Variants in STX5 observed in about 807,000 individuals in gnomAD.
STX5 encodes the protein syntaxin 5, also known as syntaxin-5.
A neutral mutation model predicts 42.9 loss-of-function variants in STX5; 15 were observed. The ratio of observed to expected loss-of-function variants is 0.35; its 90% CI spans 0.23 to 0.54. STX5 has a LOEUF of 0.54. Ranked by LOEUF, STX5 falls within the 20% of genes least tolerant of loss-of-function variation. STX5 has a pLI of 0.91. For missense variants in STX5, 430 were observed against 455.0 expected (o/e 0.95, Z 0.50); for synonymous variants, 184 against 173.2 (o/e 1.06, Z -0.49).
chr11:62,807,860 T>C, intron 10 of STX5: 1 of 695,108 alleles, frequency 1.4e-6, no homozygotes, highest in Admixed American at 3.2e-5. Flanking sequence ...TCAAGCTTCA[T>C]TTTCCTCACC....
At position 62,827,147 on chromosome 11, in the gene STX5, T is replaced by C. The variant is rs771950678; in HGVS notation, c.423+8A>G. On this transcript the variant is annotated splice_region_variant and intron_variant, in intron 5 of 10. Coordinates refer to ENST00000294179, the MANE Select transcript of STX5 (RefSeq NM_003164.5). ...AATGCTGGGCTCTCCTGATGGCTAG[T>C]AGCTCACCTGTTTGATGATATATGT... 2.5e-6 allele frequency: 4 copies of C among 1,613,256 alleles called. No individual in the cohort carries two copies. The South Asian group carries it at 3.3e-5, about 13-fold the overall frequency.
intron 10 of STX5, among the ~76,000 whole-genome samples, chr11:62,815,794 C>T (rs1433554731): frequency 1.3e-5 from 2 of 152,082 alleles, no homozygotes; most frequent in Non-Finnish European, 2.9e-5. Flanking sequence ...GCTTTGGCCT[C>T]CCGAAGTGCT....
intron 10 of STX5, among the ~76,000 whole-genome samples, chr11:62,818,689 CAAAA>C (rs772514194): frequency 9.3e-6 from 1 of 107,952 alleles, no homozygotes. Flanking sequence ...CCGTCTCTAC[CAAAA>C]AAAAAAAAAA....
Position 62,825,460 on chromosome 11 carries a change from A to C in STX5, c.503T>G (p.Leu168Arg). The C allele has an allele frequency of 6.2e-7, 1 of 1,613,570 alleles. No individual in the cohort carries two copies. ...CACAATGGTGTTGGAGTGGGTCTGC[A>C]GGTGCCGGCCACTCTGGCTGCCCTT... ...RAKGSQSGRHLQTHSNTIVVS... is the reference protein window; with the variant it reads ...RAKGSQSGRHRQTHSNTIVVS... Residue 168 changes from leucine to arginine, a missense_variant, in exon 6 of 11, where the codon CTG becomes CGG. Leu to Arg is a moderately radical substitution (Grantham distance 102). Transcript: ENST00000294179.
chr11:62,831,995 C>G lies in STX5; in HGVS notation c.-61G>C, dbSNP rs1374501052. ...GCCGCCGCCGCCACTTCCAATCTCA[C>G]CGGCCGTCACTGCCTCCTCCCCGAG... is the stretch of plus-strand genomic sequence containing the variant. On this transcript the variant is annotated 5_prime_UTR_variant, in exon 1 of 11. Coordinates refer to ENST00000294179, the MANE Select transcript of STX5 (RefSeq NM_003164.5). 1 of 467,040 alleles carries G rather than the reference C, an allele frequency of 2.1e-6. No homozygotes were observed. The highest frequency in any genetic ancestry group is 4.3e-6 in the Non-Finnish European group (1 of 234,646). The allele number at this position is 467,040 out of a possible 1,614,324, so 28.9% of individuals were successfully genotyped here.
intron 2 of STX5, among the ~76,000 whole-genome samples, chr11:62,829,522 G>C (rs1381524140): frequency 6.6e-6 from 1 of 152,092 alleles, no homozygotes; most frequent in African/African-American, 2.4e-5. Flanking sequence ...CCAGCACTTT[G>C]AGAAGATAAA....
At chr11:62,826,468 A>T (rs1180162716) in intron 5 of STX5, among the ~76,000 whole-genome samples, 1 of 151,860 alleles carries the variant, frequency 6.6e-6, no homozygotes, top group East Asian at 1.9e-4. Flanking sequence ...GAGGCAGGGG[A>T]GTCACTTGAA....
At chr11:62,827,664 G>T (rs1005074154) in intron 2 of STX5, 33 bp from the exon 3 acceptor site, 14 of 1,612,812 alleles carry the variant, frequency 8.7e-6, no homozygotes, top group Non-Finnish European at 1.2e-5. Context: ...GACAACTTTA[G>T]TTCTCCCTTC....
intron 8 of STX5, 68 bp downstream of exon 8, chr11:62,824,968 G>A (rs1407962003): frequency 5.9e-6 from 9 of 1,527,090 alleles, no homozygotes; most frequent in Non-Finnish European, 8.1e-6. Flanking sequence ...CGTGCCTTTA[G>A]AGGATGCCAT....
At position 62,807,211 on chromosome 11, in the gene STX5, C is replaced by T. The variant is rs1336520708; in HGVS notation, c.*258G>A. On this transcript the variant is annotated 3_prime_UTR_variant, in exon 11 of 11. Transcript: ENST00000294179. ...CCTCCCCCACTGGCCCCCAGCTGGCCTCTGCTCCCTTCCAGTCACTTCACA... is the reference window on the plus strand; with the variant it reads ...CCTCCCCCACTGGCCCCCAGCTGGCTTCTGCTCCCTTCCAGTCACTTCACA... The T allele has an allele frequency of 5.5e-6, 2 of 364,612 alleles. No homozygotes were observed. The highest frequency in any genetic ancestry group is 9.2e-5 in the East Asian group (2 of 21,714). The allele number at this position is 364,612 out of a possible 1,614,324, so 22.6% of individuals were successfully genotyped here. A position where few individuals can be genotyped will look rare whatever the true frequency, so the allele number is the denominator to read the frequency against.
chr11:62,827,423 G>C (rs746671848), intron 3 of STX5, 25 bp from the exon 4 acceptor site: 15 of 1,614,012 alleles, frequency 9.3e-6, no homozygotes, highest in African/African-American at 2.7e-5. Flanking sequence ...TAGTCAGACT[G>C]TGGGAAAGGG....
In STX5 at chr11:62,814,095, CTAATAA is replaced by C. The variant is rs199844832; in HGVS notation, c.909-6473_909-6468del. ...GCACTCACAATAATCATTGCCCTAACTAATAATAAGACAACCAATACATTAAAACCT... is the reference window on the plus strand; with the variant it reads ...GCACTCACAATAATCATTGCCCTAACTAAGACAACCAATACATTAAAACCT... On this transcript the variant is annotated intron_variant, in intron 10 of 10. Transcript: ENST00000294179. Among the ~76,000 whole-genome samples the C allele has an allele frequency of 8.5e-5, 13 of 152,118 alleles. No individual in the cohort carries two copies. In the East Asian group the frequency reaches 1.2e-3, roughly 14 times the overall value.
At chr11:62,814,887 C>T (rs2084656777) in intron 10 of STX5, among the ~76,000 whole-genome samples, 1 of 152,118 alleles carries the variant, frequency 6.6e-6, no homozygotes, top group African/African-American at 2.4e-5. Context: ...AGCCACTATG[C>T]CTGGCTTTCT....
At chr11:62,827,538 C>T (rs1014120252) in intron 3 of STX5, 23 bp downstream of exon 3, 8 of 1,614,022 alleles carry the variant, frequency 5.0e-6, no homozygotes, top group Non-Finnish European at 6.8e-6. Flanking sequence ...TATCACCCCA[C>T]CAGAAAGCTT....
At position 62,807,630 on chromosome 11, in the gene STX5, T is replaced by C. The variant is rs538185590; in HGVS notation, c.909-2A>G. On this transcript the variant is annotated splice_acceptor_variant, in intron 10 of 10. Coordinates refer to ENST00000294179, the MANE Select transcript of STX5 (RefSeq NM_003164.5). LOFTEE classifies it high-confidence loss of function. ...GCTCCTAGCACGTTCTCGTCGATCCTGGGGACAAGGCCGGGAGAAGAGGAA... is the reference window on the plus strand; with the variant it reads ...GCTCCTAGCACGTTCTCGTCGATCCCGGGGACAAGGCCGGGAGAAGAGGAA... 1 of 1,613,988 alleles carries C rather than the reference T, an allele frequency of 6.2e-7. No homozygotes were observed. Among genetic ancestry groups the C allele is most frequent in the African/African-American group, 1.3e-5 (1 of 75,016 alleles).
intron 10 of STX5, among the ~76,000 whole-genome samples, chr11:62,811,299 A>G (rs546234309): frequency 5.3e-4 from 81 of 152,282 alleles, no homozygotes; most frequent in African/African-American, 1.8e-3. Flanking sequence ...TCTGTCATTT[A>G]GCTGTCCCAT....
chr11:62,814,503 C>A (rs1590964887), intron 10 of STX5, among the ~76,000 whole-genome samples: 2 of 151,344 alleles, frequency 1.3e-5, no homozygotes, highest in South Asian at 4.2e-4. Context: ...CACTCTGTTG[C>A]CCAGGCTGGA....
chr11:62,817,613 G>A (rs2084689873), intron 10 of STX5, among the ~76,000 whole-genome samples: 1 of 152,148 alleles, frequency 6.6e-6, no homozygotes, highest in South Asian at 2.1e-4. Context: ...GGCAATGAAT[G>A]GCCCCATCCC....
intron 10 of STX5, among the ~76,000 whole-genome samples, chr11:62,822,795 T>G (rs1005788948): frequency 1.3e-5 from 2 of 152,058 alleles, no homozygotes; most frequent in Non-Finnish European, 2.9e-5. Context: ...ATTTTGTCTC[T>G]TTTGTCCACT....
Sources: gnomAD v4.1 joint callset for allele counts (sites outside exome capture counted in the v4.1 genomes callset) on GRCh38, gnomAD v4.1.1 for gene constraint, MANE v1.5 for transcripts, NCBI Gene and HGNC (gene_info 2026-07-23, HGNC 2026-07-21) for gene names.